FREM2: variants seen among roughly 807,000 people sequenced by gnomAD.
FREM2 encodes the protein FRAS1-related extracellular matrix protein 2.
FREM2 carries 119 observed loss-of-function variants against 219.9 expected under a neutral mutation model. That is an observed-to-expected ratio of 0.54 (90% CI 0.47 to 0.63). The LOEUF is 0.63. Among genes scored for constraint, FREM2 ranks in the 30% least tolerant of loss-of-function variants. FREM2 has a pLI of 0.00. For synonymous variants in FREM2, 1,562 were observed against 1,522.8 expected (o/e 1.03, Z -0.60); for missense variants, 4,030 against 3,993.6 (o/e 1.01, Z -0.25).
In FREM2 at chr13:38,850,229, C is replaced by T; in HGVS notation, c.6571C>T (p.Leu2191Phe). The T allele has an allele frequency of 6.2e-7, 1 of 1,613,678 alleles. No individual in the cohort carries two copies. Among genetic ancestry groups the T allele is most frequent in the South Asian group, 1.1e-5 (1 of 91,066 alleles). ...CACTGATACCTCCATCATCACATTC[C>T]TCCCTGGTAAGCTTGAACTTGAAAT... The part of the protein sequence containing the change: ...PNTDTSIITF[L>F]PGETEKPCIL... Residue 2191 changes from leucine to phenylalanine, a missense_variant, in exon 9 of 24, where the codon CTC (leucine) becomes TTC (phenylalanine). Around this residue, in one of 2 missense-constraint regions of FREM2, gnomAD observed 3,102 missense variants for 2,950.7 expected, o/e 1.05. Transcript: ENST00000280481.
intron 11 of FREM2, among the ~76,000 whole-genome samples, chr13:38,855,852 A>G (rs1263011051): frequency 6.6e-6 from 1 of 151,954 alleles, no homozygotes; most frequent in Non-Finnish European, 1.5e-5. Context: ...GCAACCAAAC[A>G]CCTCCTGTTC....
chr13:38,832,483 A>T lies in FREM2; in HGVS notation c.6020-14090A>T, dbSNP rs528692279. Among the ~76,000 whole-genome samples the T allele has an allele frequency of 2.1e-3, 322 of 152,216 alleles. 6 individuals are homozygous for T. The highest frequency in any genetic ancestry group is 1.7e-3 in the Non-Finnish European group (117 of 68,008). Reference sequence around the variant, plus strand: ...GCAAAGGAAGTGAAATTTCCTCACAATCTCAGCTCTAGGAAATAACCAGTT... The same window carrying T: ...GCAAAGGAAGTGAAATTTCCTCACATTCTCAGCTCTAGGAAATAACCAGTT... On this transcript the variant is annotated intron_variant, in intron 6 of 23. Coordinates refer to ENST00000280481, the MANE Select transcript of FREM2 (RefSeq NM_207361.6).
intron 18 of FREM2, among the ~76,000 whole-genome samples, 199 bp downstream of exon 18, chr13:38,874,785 C>CT (rs1878286928): frequency 6.6e-6 from 1 of 152,142 alleles, no homozygotes; most frequent in African/African-American, 2.4e-5. Flanking sequence ...ATTATGCAGA[C>CT]TTTCAGAGAA....
At chr13:38,864,124 G>A (rs984853940) in intron 15 of FREM2, 151 bp from the exon 16 acceptor site, 20 of 670,300 alleles carry the variant, frequency 3.0e-5, no homozygotes, top group African/African-American at 1.2e-4. Flanking sequence ...CCACGTCACC[G>A]GGCCTGGACA....
At chr13:38,711,919 T>C (rs1400668395) in intron 2 of FREM2, among the ~76,000 whole-genome samples, 1 of 145,388 alleles carries the variant, frequency 6.9e-6, no homozygotes, top group Admixed American at 6.8e-5. Flanking sequence ...ATTTCTTTTT[T>C]TTTTTTTTTT....
At chr13:38,723,433 T>C (rs1871378527) in intron 2 of FREM2, among the ~76,000 whole-genome samples, 1 of 152,160 alleles carries the variant, frequency 6.6e-6, no homozygotes, top group Non-Finnish European at 1.5e-5. Context: ...CCTGCTTATA[T>C]GCAGAAAGTT....
chr13:38,767,024 G>A (rs1056319494), intron 3 of FREM2, among the ~76,000 whole-genome samples: 1 of 152,208 alleles, frequency 6.6e-6, no homozygotes, highest in Non-Finnish European at 1.5e-5. Flanking sequence ...GTACCATGAG[G>A]TGAGGAAATA....
chr13:38,717,809 A>G (rs1871070877), intron 2 of FREM2, among the ~76,000 whole-genome samples: 3 of 152,234 alleles, frequency 2.0e-5, no homozygotes. Context: ...CACTTGACAA[A>G]ATGACCTTTC....
At chr13:38,729,416 C>A (rs1259220488) in intron 2 of FREM2, among the ~76,000 whole-genome samples, 2 of 152,080 alleles carry the variant, frequency 1.3e-5, no homozygotes, top group African/African-American at 4.8e-5. Flanking sequence ...ATTTGGAATA[C>A]TCTCAGGGGT....
At chr13:38,695,442 A>C (rs1167430151) in intron 1 of FREM2, among the ~76,000 whole-genome samples, 6 of 152,206 alleles carry the variant, frequency 3.9e-5, no homozygotes, top group African/African-American at 1.4e-4. Flanking sequence ...AAAAAAGAAA[A>C]GTTCTTAAAA....
Position 38,872,817 on chromosome 13 carries a change from G to A in FREM2, c.8059G>A (p.Gly2687Arg). ...TTCCTACGTGTTCCATTCCCCCGTG[G>A]GGGTAGGAGGCTGGCAGCATTTTGA... ...YVSYVFHSPVGVGGWQHFDLK... is the reference protein window; with the variant it reads ...YVSYVFHSPVRVGGWQHFDLK... The change falls in exon 17 of 24, where the codon GGG becomes AGG. Residue 2687 changes from glycine to arginine, a missense_variant. Around this residue, in one of 2 missense-constraint regions of FREM2, gnomAD observed 928 missense variants for 1,042.9 expected, o/e 0.89. Coordinates refer to ENST00000280481, the MANE Select transcript of FREM2 (RefSeq NM_207361.6). 1 of 1,614,054 alleles carries A rather than the reference G, an allele frequency of 6.2e-7. No homozygotes were observed. The highest frequency in any genetic ancestry group is 8.5e-7 in the Non-Finnish European group (1 of 1,179,938).
At chr13:38,847,892 A>G (rs1283475260) in intron 7 of FREM2, among the ~76,000 whole-genome samples, 1 of 152,128 alleles carries the variant, frequency 6.6e-6, no homozygotes, top group Admixed American at 6.6e-5. Flanking sequence ...TCTGAAAAAT[A>G]TTAAATTAAA....
At chr13:38,782,931 C>T in intron 4 of FREM2, 139 bp from the exon 5 acceptor site, 1 of 1,051,480 alleles carries the variant, frequency 9.5e-7, no homozygotes, top group South Asian at 1.3e-5. Context: ...CTCCTTCCTC[C>T]TTTTCCTCCC....
intron 2 of FREM2, among the ~76,000 whole-genome samples, chr13:38,715,675 T>A (rs1167165093): frequency 6.6e-6 from 1 of 152,112 alleles, no homozygotes; most frequent in Non-Finnish European, 1.5e-5. Context: ...ATGGCCCTAT[T>A]GTCTTAGAGA....
In FREM2 at chr13:38,687,656, C is replaced by A; in HGVS notation, c.312C>A (p.Arg104=). 1 of 1,606,530 alleles carries A rather than the reference C, an allele frequency of 6.2e-7. No individual in the cohort carries two copies. The highest frequency in any genetic ancestry group is 8.5e-7 in the Non-Finnish European group (1 of 1,175,996). The change falls in exon 1 of 24, where the codon CGC becomes CGA. Residue 104 remains arginine (R), a synonymous_variant. Coordinates refer to ENST00000280481, the MANE Select transcript of FREM2 (RefSeq NM_207361.6). ...TGTTGCAGGTGCAGCCCGGGGACCG[C>A]TGCGCGGTTTCGGTACTAGACAACG... is the stretch of plus-strand genomic sequence containing the variant. ...DLVLQVQPGD[R]CAVSVLDNDA...
At chr13:38,737,932 TG>T (rs761615493) in intron 2 of FREM2, among the ~76,000 whole-genome samples, 9 of 152,036 alleles carry the variant, frequency 5.9e-5, no homozygotes, top group Admixed American at 2.0e-4. Context: ...GGAGATTGGA[TG>T]GGGGTGAAGA....
rs747714713 is a variant in FREM2, at chr13:38,688,269, A to C, written c.925A>C (p.Ile309Leu). ...CGAGCACTTCCAGGTTCTGGTGAGG[A>C]TCCGAGGAGGGGCCGAGAACACTGC... is the stretch of plus-strand genomic sequence containing the variant. ...KREHFQVLVRIRGGAENTAPK... is the reference protein window; with the variant it reads ...KREHFQVLVRLRGGAENTAPK... The change falls in exon 1 of 24, where the codon ATC (isoleucine) becomes CTC (leucine). Residue 309 changes from isoleucine (I) to leucine (L), a missense_variant. Ile to Leu is a conservative substitution (Grantham distance 5, BLOSUM62 2). Coordinates refer to ENST00000280481, the MANE Select transcript of FREM2 (RefSeq NM_207361.6). 2.5e-6 allele frequency: 4 copies of C among 1,614,020 alleles called. No individual in the cohort carries two copies. The highest frequency in any genetic ancestry group is 2.5e-6 in the Non-Finnish European group (3 of 1,180,024).
intron 6 of FREM2, among the ~76,000 whole-genome samples, chr13:38,798,898 T>C (rs1874899822): frequency 6.6e-6 from 1 of 152,028 alleles, no homozygotes. Context: ...ATCAATTTCA[T>C]TTAGCTTTTC....
chr13:38,771,256 A>G (rs1337418921), intron 4 of FREM2, among the ~76,000 whole-genome samples: 1 of 152,230 alleles, frequency 6.6e-6, no homozygotes, highest in Non-Finnish European at 1.5e-5. Flanking sequence ...TGCATTATCC[A>G]GAGATAAATA....
Sources: gnomAD v4.1 joint callset for allele counts (sites outside exome capture counted in the v4.1 genomes callset) on GRCh38, gnomAD v4.1.1 for gene constraint, gnomAD v4.1.1 regional missense constraint, MANE v1.5 for transcripts, NCBI Gene and HGNC (gene_info 2026-07-23, HGNC 2026-07-21) for gene names.